CSMD1: variants seen among roughly 807,000 people sequenced by gnomAD.
The protein encoded by CSMD1 is CUB and sushi domain-containing protein 1.
CSMD1 carries 213 observed loss-of-function variants against 417.5 expected under a neutral mutation model. The observed-to-expected ratio is 0.51, with a 90% confidence interval of 0.46 to 0.57. The LOEUF (loss-of-function observed/expected upper bound fraction) is 0.57. Ranked by LOEUF, CSMD1 falls within the 20% of genes least tolerant of loss-of-function variation. The probability of loss-of-function intolerance (pLI) is 0.00; values close to 1 mark genes in which losing one functional copy is unlikely to be tolerated. For synonymous variants in CSMD1, 2,862 were observed against 1,736.8 expected, an observed-to-expected ratio of 1.65 and a Z score of -16.11; for missense variants, 6,923 against 4,529.7, an observed-to-expected ratio of 1.53 and a Z score of -15.17.
At chr8:4,009,908 A>C (rs778565511) in intron 4 of CSMD1, among the ~76,000 whole-genome samples, 1 of 152,068 alleles carries the variant, frequency 6.6e-6, no homozygotes, top group African/African-American at 2.4e-5. Flanking sequence ...CAGTCCCTGC[A>C]AAAAGCCCTG....
intron 1 of CSMD1, among the ~76,000 whole-genome samples, chr8:4,650,418 G>A (rs1384277223): frequency 1.4e-5 from 2 of 146,902 alleles, no homozygotes; most frequent in Non-Finnish European, 3.0e-5. Flanking sequence ...CACTGTAATT[G>A]ATCTTCAGCT....
chr8:3,825,395 G>A (rs560145881), intron 5 of CSMD1, among the ~76,000 whole-genome samples: 1 of 152,210 alleles, frequency 6.6e-6, no homozygotes, highest in Admixed American at 6.5e-5. Context: ...CAGGGGTGGT[G>A]GTAGGCACCT....
At chr8:4,756,753 C>G (rs916569303) in intron 1 of CSMD1, among the ~76,000 whole-genome samples, 2 of 152,154 alleles carry the variant, frequency 1.3e-5, no homozygotes, top group Non-Finnish European at 2.9e-5. Context: ...ATAAATGTAG[C>G]AGCTTCCTGG....
Position 3,367,060 on chromosome 8 carries a change from C to T in CSMD1, c.3087G>A (p.Ser1029=), listed in dbSNP as rs148290208. 9.2e-4 allele frequency: 1,490 copies of T among 1,613,560 alleles called. 16 individuals are homozygous for T. The African/African-American group carries it at 0.018, about 19-fold the overall frequency. ...QLRFISDFSI[S]YEGFNITFSE... is the part of the protein sequence containing the mutation. ...AAAATGTGATATTGAAGCCCTCGTACGAAATTGAGAAGTCTGATATAAACC... is the reference window on the plus strand; with the variant it reads ...AAAATGTGATATTGAAGCCCTCGTATGAAATTGAGAAGTCTGATATAAACC... Residue 1029 remains serine (S), a synonymous_variant, in exon 20 of 70, where the codon TCG becomes TCA. Transcript: ENST00000635120.
intron 1 of CSMD1, among the ~76,000 whole-genome samples, chr8:4,804,530 A>T (rs1428700386): frequency 2.7e-5 from 4 of 148,064 alleles, no homozygotes; most frequent in Admixed American, 1.4e-4. Context: ...AATGGACGTG[A>T]GAGAGAGAGA....
intron 4 of CSMD1, among the ~76,000 whole-genome samples, chr8:4,026,302 G>A (rs959985613): frequency 6.6e-6 from 1 of 152,122 alleles, no homozygotes; most frequent in African/African-American, 2.4e-5. Flanking sequence ...ACCAGACACT[G>A]AGAAAAGCAA....
chr8:3,481,503 G>A (rs994928915), intron 11 of CSMD1, among the ~76,000 whole-genome samples: 3 of 152,154 alleles, frequency 2.0e-5, no homozygotes, highest in African/African-American at 7.2e-5. Context: ...GATAAATAAT[G>A]GCCTCACTCC....
At chr8:4,246,901 A>G (rs1163797099) in intron 3 of CSMD1, among the ~76,000 whole-genome samples, 2 of 152,182 alleles carry the variant, frequency 1.3e-5, no homozygotes, top group African/African-American at 4.8e-5. Flanking sequence ...TCCGTGCATA[A>G]ATGTTTCTTC....
intron 49 of CSMD1, among the ~76,000 whole-genome samples, chr8:3,071,873 C>T (rs1813346196): frequency 6.6e-6 from 1 of 152,166 alleles, no homozygotes; most frequent in Non-Finnish European, 1.5e-5. Context: ...TATCACAGAA[C>T]ACTGCACCAT....
chr8:3,661,693 C>A (rs1014675943), intron 7 of CSMD1, among the ~76,000 whole-genome samples: 4 of 152,128 alleles, frequency 2.6e-5, no homozygotes, highest in African/African-American at 9.7e-5. Flanking sequence ...GACGGGATTT[C>A]ACCATGTTGG....
intron 5 of CSMD1, among the ~76,000 whole-genome samples, chr8:3,801,104 G>C (rs1038206821): frequency 1.3e-5 from 2 of 151,938 alleles, no homozygotes; most frequent in Non-Finnish European, 2.9e-5. Context: ...AATTAAAGAA[G>C]ACGGAAAGGT....
intron 1 of CSMD1, among the ~76,000 whole-genome samples, chr8:4,837,002 G>T (rs1009780122): frequency 6.6e-6 from 1 of 152,020 alleles, no homozygotes; most frequent in African/African-American, 2.4e-5. Flanking sequence ...AGACCACCCA[G>T]AAGACAGGGC....
intron 2 of CSMD1, among the ~76,000 whole-genome samples, chr8:4,545,378 G>A (rs181918014): frequency 0.012 from 1,786 of 152,260 alleles, 21 homozygotes; most frequent in Non-Finnish European, 0.016. Context: ...CAAATATGGA[G>A]TTTTCAATCA....
chr8:4,882,313 C>A (rs1331704368), intron 1 of CSMD1, among the ~76,000 whole-genome samples: 5 of 151,762 alleles, frequency 3.3e-5, no homozygotes, highest in Non-Finnish European at 4.4e-5. Flanking sequence ...ATACGGCAGA[C>A]AAACGACCTC....
intron 1 of CSMD1, among the ~76,000 whole-genome samples, chr8:4,663,367 C>A (rs1804724685): frequency 6.6e-6 from 1 of 152,098 alleles, no homozygotes; most frequent in African/African-American, 2.4e-5. Context: ...GTATTTCTTT[C>A]CTCTAAGGGA....
At position 3,225,391 on chromosome 8, in the gene CSMD1, CT is replaced by C. The variant is rs113674126; in HGVS notation, c.4346-1525del. On this transcript the variant is annotated intron_variant, in intron 27 of 69. Transcript: ENST00000635120. ...TAAAACTTGATTTTCCCCAGTATGA[CT>C]TTTTTTTTTTTTAATGAATTTGAAT... Among the ~76,000 whole-genome samples the C allele has an allele frequency of 7.0e-3, 1,013 of 145,372 alleles. 9 individuals are homozygous for C. The highest frequency in any genetic ancestry group is 0.028 in the East Asian group (141 of 5,010).
At chr8:3,400,007 C>T (rs989236631) in intron 15 of CSMD1, among the ~76,000 whole-genome samples, 2 of 152,084 alleles carry the variant, frequency 1.3e-5, no homozygotes, top group African/African-American at 2.4e-5. Flanking sequence ...TAGCCACATG[C>T]AACATATTAT....
chr8:4,463,278 CAGTT>C (rs147238672), intron 2 of CSMD1, among the ~76,000 whole-genome samples: 2,147 of 152,226 alleles, frequency 0.014, 33 homozygotes, highest in East Asian at 0.063. Flanking sequence ...ATCAAAAAGA[CAGTT>C]AGTAAGTGTT....
intron 1 of CSMD1, among the ~76,000 whole-genome samples, chr8:4,702,591 G>A (rs192557120): frequency 2.0e-5 from 3 of 152,240 alleles, no homozygotes; most frequent in Admixed American, 2.0e-4. Flanking sequence ...AGAACACACT[G>A]CCCTTTACAA....
Sources: allele counts gnomAD v4.1 joint callset (sites outside exome capture counted in the v4.1 genomes callset), GRCh38; gene constraint gnomAD v4.1.1; transcripts MANE v1.5; gene names NCBI Gene and HGNC (gene_info 2026-07-23, HGNC 2026-07-21).